The following OR10G4 variants were observed in gnomAD, a reference collection of about 807,000 sequenced individuals.
The protein encoded by OR10G4 is olfactory receptor 10G4.
For synonymous variants in OR10G4, 130 were observed against 159.3 expected, an observed-to-expected ratio of 0.82 and a Z score of 1.39; for missense variants, 318 against 388.8, an observed-to-expected ratio of 0.82 and a Z score of 1.53.
Position 124,016,252 on chromosome 11 carries a change from G to T in OR10G4, c.678G>T (p.Arg226=), listed in dbSNP as rs768745227. 4 of 1,614,228 alleles carry T rather than the reference G, an allele frequency of 2.5e-6. No homozygotes were observed. The highest frequency in any genetic ancestry group is 1.3e-5 in the African/African-American group (1 of 75,070). ...SYVSIVCSIL[R]IRTSDGRRRA... Reference sequence around the variant, plus strand: ...TGTCCATCGTCTGTTCCATCCTGCGGATCCGCACCTCAGATGGGAGGCGCA... The same window carrying T: ...TGTCCATCGTCTGTTCCATCCTGCGTATCCGCACCTCAGATGGGAGGCGCA... Residue 226 remains arginine (R), a synonymous_variant, in exon 2 of 2, where the codon CGG becomes CGT. Transcript: ENST00000641722.
In OR10G4 at chr11:124,016,797, T is replaced by C. The variant is rs549687275; in HGVS notation, c.*287T>C. 4 of 223,668 alleles carry C rather than the reference T, an allele frequency of 1.8e-5. No individual in the cohort carries two copies. The highest frequency in any genetic ancestry group is 9.1e-5 in the African/African-American group (4 of 44,102). 13.9% of individuals were successfully genotyped at this position (223,668 alleles called of 1,614,324 possible). ...ATCTCAGGGATAGATGATTAATTCA[T>C]GTTTATAAATTGATAAACGGTTTTT... On this transcript the variant is annotated 3_prime_UTR_variant, in exon 2 of 2. Coordinates refer to ENST00000641722, the MANE Select transcript of OR10G4 (RefSeq NM_001004462.2).
At position 124,015,539 on chromosome 11, in the gene OR10G4, T is replaced by C. The variant is rs375227000; in HGVS notation, c.-27-9T>C. On this transcript the variant is annotated splice_polypyrimidine_tract_variant and intron_variant, in intron 1 of 1. Transcript: ENST00000641722. ...AGTGCTAAATGCTGGGTGCTCTTTATATCCCCAGAGGGAGAGAGACCAAGG... is the reference window on the plus strand; with the variant it reads ...AGTGCTAAATGCTGGGTGCTCTTTACATCCCCAGAGGGAGAGAGACCAAGG... 7.5e-6 allele frequency: 12 copies of C among 1,597,210 alleles called. No homozygotes were observed. Among genetic ancestry groups the C allele is most frequent in the Non-Finnish European group, 1.0e-5 (12 of 1,169,580 alleles).
Position 124,016,054 on chromosome 11 carries a change from A to T in OR10G4, c.480A>T (p.Ile160=). 1 of 1,613,724 alleles carries T rather than the reference A, an allele frequency of 6.2e-7. No homozygotes were observed. The highest frequency in any genetic ancestry group is 8.5e-7 in the Non-Finnish European group (1 of 1,179,822). ...CTCTGCACTCTGCTGTCCAGACCAT[A>T]TTGACTTTCCATTTGCCCTACTGTG... The part of the protein sequence containing the change: ...SGSLHSAVQT[I]LTFHLPYCGP... The change falls in exon 2 of 2, where the codon ATA becomes ATT. Residue 160 remains isoleucine (I), a synonymous_variant. Transcript: ENST00000641722.
rs1864020898 is a variant in OR10G4 at position 124,016,395 on chromosome 11, T to G, written c.821T>G (p.Phe274Cys). 1 of 1,614,232 alleles carries G rather than the reference T, an allele frequency of 6.2e-7. No homozygotes were observed. The highest frequency in any genetic ancestry group is 8.5e-7 in the Non-Finnish European group (1 of 1,180,032). The change falls in exon 2 of 2, where the codon TTC becomes TGC. Residue 274 changes from phenylalanine to cysteine, a missense_variant. Transcript: ENST00000641722. Reference protein sequence around the residue: ...MDAMDGVVAIFYTVLTPLLNP... With the variant: ...MDAMDGVVAICYTVLTPLLNP... ...GCCATGGATGGAGTTGTGGCCATTT[T>G]CTACACTGTGCTGACGCCCCTTCTC...
Position 124,017,548 on chromosome 11 carries a change from C to T in OR10G4, c.*1038C>T, listed in dbSNP as rs747881384. On this transcript the variant is annotated 3_prime_UTR_variant, in exon 2 of 2. Transcript: ENST00000641722. The stretch of plus-strand genomic sequence containing the variant: ...ACCCGGAGCTGAATTTAATTTTAAG[C>T]GACATGTGTAAGACCACGACAATAG... 9 of 152,186 alleles carry T rather than the reference C, an allele frequency of 5.9e-5. No homozygotes were observed. Among genetic ancestry groups the T allele is most frequent in the African/African-American group, 1.7e-4 (7 of 41,518 alleles). The allele number at this position is 152,186 out of a possible 1,614,324, so 9.4% of individuals were successfully genotyped here.
At chr11:124,015,508 C>T (rs1337967774) in intron 1 of OR10G4, 40 bp from the exon 2 acceptor site, 1 of 1,530,156 alleles carries the variant, frequency 6.5e-7, no homozygotes, top group East Asian at 2.3e-5. Context: ...TCTCATTTCT[C>T]AATTAAGTGC....
At position 124,015,680 on chromosome 11, in the gene OR10G4, A is replaced by T. The variant is rs574962070; in HGVS notation, c.106A>T (p.Thr36Ser). The change falls in exon 2 of 2, where the codon ACT becomes TCT. Residue 36 changes from threonine to serine, a missense_variant. Coordinates refer to ENST00000641722, the MANE Select transcript of OR10G4 (RefSeq NM_001004462.2). Reference protein sequence around the residue: ...FGIFLVVYVLTVLGNLLILLV... With the variant: ...FGIFLVVYVLSVLGNLLILLV... ...AATCTTCCTGGTGGTTTACGTGCTC[A>T]CTGTGCTGGGGAACCTCCTCATCCT... 2 of 1,610,276 alleles carry T rather than the reference A, an allele frequency of 1.2e-6. No individual in the cohort carries two copies. The highest frequency in any genetic ancestry group is 1.3e-5 in the African/African-American group (1 of 74,954).
Position 124,017,560 on chromosome 11 carries a change from G to A in OR10G4, c.*1050G>A, listed in dbSNP as rs1436305726. On this transcript the variant is annotated 3_prime_UTR_variant, in exon 2 of 2. Transcript: ENST00000641722. ...ATTTAATTTTAAGCGACATGTGTAA[G>A]ACCACGACAATAGAAATAAAATATT... The A allele has an allele frequency of 2.0e-5, 3 of 152,180 alleles. No homozygotes were observed. Among genetic ancestry groups the A allele is most frequent in the African/African-American group, 2.4e-5 (1 of 41,428 alleles). 9.4% of individuals were successfully genotyped at this position (152,180 alleles called of 1,614,324 possible).
rs146142166 is a variant in OR10G4 at position 124,015,784 on chromosome 11, G to T, written c.210G>T (p.Trp70Cys). ...FLTNLSFIDM[W>C]FSTVTVPKML... is the part of the protein sequence containing the mutation. ...CCAACCTGTCCTTCATTGACATGTGGTTCTCCACTGTCACGGTGCCCAAAA... is the reference window on the plus strand; with the variant it reads ...CCAACCTGTCCTTCATTGACATGTGTTTCTCCACTGTCACGGTGCCCAAAA... Residue 70 changes from tryptophan to cysteine, a missense_variant, in exon 2 of 2, where the codon TGG becomes TGT. Transcript: ENST00000641722. 4 of 1,602,248 alleles carry T rather than the reference G, an allele frequency of 2.5e-6. No individual in the cohort carries two copies. In the South Asian group the frequency reaches 4.4e-5, roughly 18 times the overall value.
chr11:124,015,056 CA>C, intron 1 of OR10G4: 1 of 163,394 alleles, frequency 6.1e-6, no homozygotes, highest in Non-Finnish European at 1.3e-5. Flanking sequence ...TATGTCCTGC[CA>C]AAAACCAGCA....
chr11:124,015,413 T>C (rs73028907), intron 1 of OR10G4, 135 bp from the exon 2 acceptor site: 53,453 of 822,636 alleles, frequency 0.065, 2,578 homozygotes, highest in African/African-American at 0.21. Flanking sequence ...ATCATCTCTG[T>C]GAGGGAAGCT....
rs1864036771 is a variant in OR10G4, at chr11:124,018,198, T to A, written c.*1688T>A. ...AAAAAAATTAATTAAAATACTTTTTTAAATTTATTTTTTATTATTATACTT... is the reference window on the plus strand; with the variant it reads ...AAAAAAATTAATTAAAATACTTTTTAAAATTTATTTTTTATTATTATACTT... On this transcript the variant is annotated 3_prime_UTR_variant, in exon 2 of 2. Coordinates refer to ENST00000641722, the MANE Select transcript of OR10G4 (RefSeq NM_001004462.2). 1 of 152,246 alleles carries A rather than the reference T, an allele frequency of 6.6e-6. No homozygotes were observed. The highest frequency in any genetic ancestry group is 6.5e-5 in the Admixed American group (1 of 15,290). 9.4% of individuals were successfully genotyped at this position (152,246 alleles called of 1,614,324 possible). A position where few individuals can be genotyped will look rare whatever the true frequency, so the allele number is the denominator to read the frequency against.
In OR10G4 at chr11:124,016,779, G is replaced by T; in HGVS notation, c.*269G>T. ...AAAACATATTTTAATCAAATCTCAG[G>T]GATAGATGATTAATTCATGTTTATA... On this transcript the variant is annotated 3_prime_UTR_variant, in exon 2 of 2. Transcript: ENST00000641722. 1 of 253,384 alleles carries T rather than the reference G, an allele frequency of 3.9e-6. No homozygotes were observed. Among genetic ancestry groups the T allele is most frequent in the Non-Finnish European group, 7.5e-6 (1 of 133,896 alleles). 15.7% of individuals were successfully genotyped at this position (253,384 alleles called of 1,614,324 possible). A position where few individuals can be genotyped will look rare whatever the true frequency, so the allele number is the denominator to read the frequency against.
At chr11:124,014,472 C>T (rs1863997617) in intron 1 of OR10G4, among the ~76,000 whole-genome samples, 1 of 152,164 alleles carries the variant, frequency 6.6e-6, no homozygotes, top group South Asian at 2.1e-4. Flanking sequence ...CTTGCGCTTC[C>T]CAGATGAAGC....
Position 124,016,389 on chromosome 11 carries a change from C to A in OR10G4, c.815C>A (p.Ala272Asp). 1 of 1,614,150 alleles carries A rather than the reference C, an allele frequency of 6.2e-7. No homozygotes were observed. Among genetic ancestry groups the A allele is most frequent in the Non-Finnish European group, 8.5e-7 (1 of 1,180,014 alleles). The change falls in exon 2 of 2, where the codon GCC (alanine) becomes GAC (aspartate). Residue 272 changes from alanine to aspartate, a missense_variant. Coordinates refer to ENST00000641722, the MANE Select transcript of OR10G4 (RefSeq NM_001004462.2). ...ATGGATGCCATGGATGGAGTTGTGG[C>A]CATTTTCTACACTGTGCTGACGCCC... The part of the protein sequence containing the change: ...GSMDAMDGVV[A>D]IFYTVLTPLL...
chr11:124,014,370 G>A (rs1863996848), intron 1 of OR10G4, among the ~76,000 whole-genome samples: 1 of 152,160 alleles, frequency 6.6e-6, no homozygotes, highest in Non-Finnish European at 1.5e-5. Context: ...CCATAACACT[G>A]CTGCGAGGCA....
chr11:124,015,317 G>C lies in OR10G4; in HGVS notation c.-27-231G>C, dbSNP rs1864005203. On this transcript the variant is annotated intron_variant, in intron 1 of 1. Transcript: ENST00000641722. Reference sequence around the variant, plus strand: ...AATATATCAATGGAAATCTAATATAGTGTTTCTCTACTTTCTTCTGCATGT... The same window carrying C: ...AATATATCAATGGAAATCTAATATACTGTTTCTCTACTTTCTTCTGCATGT... The C allele has an allele frequency of 1.1e-5, 6 of 555,744 alleles. No homozygotes were observed. In the South Asian group the frequency reaches 1.6e-4, roughly 14 times the overall value. 34.4% of individuals were successfully genotyped at this position (555,744 alleles called of 1,614,324 possible).
Position 124,016,220 on chromosome 11 carries a change from T to G in OR10G4, c.646T>G (p.Ser216Ala). Residue 216 changes from serine to alanine, a missense_variant, in exon 2 of 2, where the codon TCC becomes GCC. Ser to Ala is a moderately conservative substitution (Grantham distance 99). Coordinates refer to ENST00000641722, the MANE Select transcript of OR10G4 (RefSeq NM_001004462.2). ...ASGCFVLIVL[S>A]YVSIVCSILR... ...AGGCTGCTTTGTCCTGATAGTGCTG[T>G]CCTATGTGTCCATCGTCTGTTCCAT... 1 of 1,614,218 alleles carries G rather than the reference T, an allele frequency of 6.2e-7. No individual in the cohort carries two copies. Among genetic ancestry groups the G allele is most frequent in the South Asian group, 1.1e-5 (1 of 91,084 alleles).
chr11:124,016,406 C>T lies in OR10G4; in HGVS notation c.832C>T (p.Leu278=), dbSNP rs756964528. The T allele has an allele frequency of 4.3e-6, 7 of 1,614,226 alleles. No homozygotes were observed. The South Asian group carries it at 6.6e-5, about 15-fold the overall frequency. ...DGVVAIFYTV[L]TPLLNPVVYT... is the part of the protein sequence containing the mutation. ...AGTTGTGGCCATTTTCTACACTGTGCTGACGCCCCTTCTCAACCCTGTTGT... is the reference window on the plus strand; with the variant it reads ...AGTTGTGGCCATTTTCTACACTGTGTTGACGCCCCTTCTCAACCCTGTTGT... Residue 278 remains leucine (L), a synonymous_variant, in exon 2 of 2, where the codon CTG becomes TTG. Transcript: ENST00000641722.
Sources: allele counts gnomAD v4.1 joint callset (sites outside exome capture counted in the v4.1 genomes callset), GRCh38; gene constraint gnomAD v4.1.1; transcripts MANE v1.5; gene names NCBI Gene and HGNC (gene_info 2026-07-23, HGNC 2026-07-21).